Variants in ACTR1B observed in about 807,000 individuals in gnomAD.
ACTR1B encodes the protein actin related protein 1B.
Under a neutral mutation model 49.4 loss-of-function variants are expected in ACTR1B, and 34 were observed. The ratio of observed to expected loss-of-function variants is 0.69; its 90% CI spans 0.52 to 0.92. The LOEUF (loss-of-function observed/expected upper bound fraction) is 0.92, where lower values mean the gene tolerates loss of function less well. Among genes scored for constraint, ACTR1B ranks in the 40% least tolerant of loss-of-function variants. ACTR1B has a pLI of 0.00. For missense variants in ACTR1B, 471 were observed against 522.4 expected, an observed-to-expected ratio of 0.90 and a Z score of 0.96; for synonymous variants, 207 against 207.8, an observed-to-expected ratio of 1.00 and a Z score of 0.03.
intron 1 of ACTR1B, among the ~76,000 whole-genome samples, chr2:97,662,621 T>C (rs1025514665): frequency 3.3e-5 from 5 of 151,980 alleles, no homozygotes; most frequent in Non-Finnish European, 5.9e-5. Context: ...ACGGGGCAAT[T>C]AGAAACCTCC....
intron 2 of ACTR1B, among the ~76,000 whole-genome samples, 154 bp from the exon 3 acceptor site, chr2:97,660,800 G>T (rs1377177511): frequency 6.6e-6 from 1 of 152,226 alleles, no homozygotes; most frequent in African/African-American, 2.4e-5. Context: ...GGGGCCTATG[G>T]GGTTCGGGGC....
chr2:97,657,442 C>T lies in ACTR1B; in HGVS notation c.987+6G>A. ...AGTGCCCCAGGGGGAGTTTCTGTAACCTCACCTTGATTTTGATATCCTTTG... is the reference window on the plus strand; with the variant it reads ...AGTGCCCCAGGGGGAGTTTCTGTAATCTCACCTTGATTTTGATATCCTTTG... On this transcript the variant is annotated splice_donor_region_variant and intron_variant, in intron 9 of 10. Transcript: ENST00000289228. 6.2e-7 allele frequency: 1 copy of T among 1,614,220 alleles called. No individual in the cohort carries two copies. The highest frequency in any genetic ancestry group is 8.5e-7 in the Non-Finnish European group (1 of 1,180,018).
chr2:97,660,315 A>G (rs904128864), intron 3 of ACTR1B, among the ~76,000 whole-genome samples: 4 of 152,214 alleles, frequency 2.6e-5, no homozygotes, highest in Non-Finnish European at 5.9e-5. Flanking sequence ...TCTGACTCTT[A>G]TATCACTTTT....
At position 97,658,581 on chromosome 2, in the gene ACTR1B, A is replaced by G. The variant is rs763231016; in HGVS notation, c.503T>C (p.Val168Ala). The G allele has an allele frequency of 6.2e-7, 1 of 1,614,068 alleles. No individual in the cohort carries two copies. The highest frequency in any genetic ancestry group is 8.5e-7 in the Non-Finnish European group (1 of 1,180,004). Residue 168 changes from valine to alanine, a missense_variant, in exon 6 of 11, where the codon GTG becomes GCG. Val to Ala is a moderately conservative substitution (Grantham distance 64, BLOSUM62 0). Coordinates refer to ENST00000289228, the MANE Select transcript of ACTR1B (RefSeq NM_005735.4). This position sits in a 1 kb window ranked among gnomAD's most constrained non-coding sequence, Gnocchi z 5.9. ...CATGGCAAAGCCCTCATAGATGGGC[A>G]CAGCATGAGTGACCCCGTCCCCTGA... ...LDSGDGVTHA[V>A]PIYEGFAMPH...
At position 97,659,319 on chromosome 2, in the gene ACTR1B, A is replaced by G. The variant is rs1674948745; in HGVS notation, c.315+33T>C. ...AGAGGAGAGGGGCATGGCCAGGAGA[A>G]TGCAGAGCATGCAGGAGGGGCAGCC... On this transcript the variant is annotated intron_variant, in intron 4 of 10. Transcript: ENST00000289228. The surrounding 1 kb of genome is among the most constrained non-coding windows in gnomAD (Gnocchi z 4.0). 6.2e-7 allele frequency: 1 copy of G among 1,613,336 alleles called. No individual in the cohort carries two copies. Among genetic ancestry groups the G allele is most frequent in the Non-Finnish European group, 8.5e-7 (1 of 1,179,888 alleles).
Position 97,656,928 on chromosome 2 carries a change from T to C in ACTR1B, c.1061A>G (p.Lys354Arg), listed in dbSNP as rs994101875. ...CTCCTTTTTGGACACCCACATCTTC[T>C]TAAAAGTGTCCAGCGAGGCCAGGAT... ...GSILASLDTF[K>R]KMWVSKKEYE... Residue 354 changes from lysine (K) to arginine (R), a missense_variant, in exon 11 of 11, where the codon AAG (lysine) becomes AGG (arginine). By Grantham distance (26) the Lys-to-Arg change is conservative (BLOSUM62 2). Transcript: ENST00000289228. The C allele has an allele frequency of 6.3e-7, 1 of 1,595,978 alleles. No individual in the cohort carries two copies. Among genetic ancestry groups the C allele is most frequent in the Non-Finnish European group, 8.5e-7 (1 of 1,171,164 alleles).
In ACTR1B at chr2:97,663,934, G is replaced by A; in HGVS notation, c.-44C>T. 4 of 267,024 alleles carry A rather than the reference G, an allele frequency of 1.5e-5. No homozygotes were observed. The highest frequency in any genetic ancestry group is 2.9e-5 in the Non-Finnish European group (4 of 139,262). The allele number at this position is 267,024 out of a possible 1,614,324, so 16.5% of individuals were successfully genotyped here. A position where few individuals can be genotyped will look rare whatever the true frequency, so the allele number is the denominator to read the frequency against. On this transcript the variant is annotated 5_prime_UTR_variant, in exon 1 of 11. Transcript: ENST00000289228. Reference sequence around the variant, plus strand: ...CTGCCCAGCAGGCGGGCTGCAGGAGGCACCGGATGGGCGGGCGGGCGGGAG... The same window carrying A: ...CTGCCCAGCAGGCGGGCTGCAGGAGACACCGGATGGGCGGGCGGGCGGGAG...
rs1674951839 is a variant in ACTR1B at position 97,659,428 on chromosome 2, A to G, written c.239T>C (p.Val80Ala). 4.3e-6 allele frequency: 7 copies of G among 1,613,888 alleles called. No individual in the cohort carries two copies. Among genetic ancestry groups the G allele is most frequent in the East Asian group, 2.2e-5 (1 of 44,878 alleles). Reference protein sequence around the residue: ...TIRYPMEHGVVRDWNDMERIW... With the variant: ...TIRYPMEHGVARDWNDMERIW... ...GCGTTCCATGTCGTTCCAGTCTCGC[A>G]CCACGCCGTGCTCCATGGGGTAGCG... is the stretch of plus-strand genomic sequence containing the variant. The change falls in exon 4 of 11, where the codon GTG becomes GCG. Residue 80 changes from valine to alanine, a missense_variant. By Grantham distance (64) the Val-to-Ala change is moderately conservative. Coordinates refer to ENST00000289228, the MANE Select transcript of ACTR1B (RefSeq NM_005735.4). This position sits in a 1 kb window ranked among gnomAD's most constrained non-coding sequence, Gnocchi z 4.0.
Position 97,659,201 on chromosome 2 carries a change from T to C in ACTR1B, c.315+151A>G. 1 of 1,402,106 alleles carries C rather than the reference T, an allele frequency of 7.1e-7. No homozygotes were observed. The highest frequency in any genetic ancestry group is 9.7e-7 in the Non-Finnish European group (1 of 1,027,656). 86.9% of individuals were successfully genotyped at this position (1,402,106 alleles called of 1,614,324 possible). ...TTGGAAGATTCTGCCTAGCAGCCAC[T>C]GGGTACGTATGCGCACCCAGACACA... On this transcript the variant is annotated intron_variant, in intron 4 of 10. Transcript: ENST00000289228. The surrounding 1 kb of genome is among the most constrained non-coding windows in gnomAD (Gnocchi z 4.0).
At position 97,658,372 on chromosome 2, in the gene ACTR1B, G is replaced by T. The variant is rs193070355; in HGVS notation, c.657+55C>A. ...GCTGCACCTGGGACACCTGTGCCTT[G>T]GTGCCACCCTTTCCTCACCCCAGGT... On this transcript the variant is annotated intron_variant, in intron 6 of 10. Transcript: ENST00000289228. This position sits in a 1 kb window ranked among gnomAD's most constrained non-coding sequence, Gnocchi z 5.9. 2 of 1,613,492 alleles carry T rather than the reference G, an allele frequency of 1.2e-6. No individual in the cohort carries two copies. Among genetic ancestry groups the T allele is most frequent in the Non-Finnish European group, 1.7e-6 (2 of 1,179,566 alleles).
chr2:97,659,686 C>T lies in ACTR1B; in HGVS notation c.190-209G>A. 3.1e-6 allele frequency: 2 copies of T among 652,666 alleles called. No homozygotes were observed. Among genetic ancestry groups the T allele is most frequent in the Non-Finnish European group, 5.2e-6 (2 of 386,918 alleles). The allele number at this position is 652,666 out of a possible 1,614,324, so 40.4% of individuals were successfully genotyped here. A position where few individuals can be genotyped will look rare whatever the true frequency, so the allele number is the denominator to read the frequency against. On this transcript the variant is annotated intron_variant, in intron 3 of 10. Coordinates refer to ENST00000289228, the MANE Select transcript of ACTR1B (RefSeq NM_005735.4). The surrounding 1 kb of genome is among the most constrained non-coding windows in gnomAD (Gnocchi z 4.0). ...CACCAGCTTCTTAGGCTCTTAGAGCCCAGCTAGCTTCAGCTGGGGGGATCA... is the reference window on the plus strand; with the variant it reads ...CACCAGCTTCTTAGGCTCTTAGAGCTCAGCTAGCTTCAGCTGGGGGGATCA...
In ACTR1B at chr2:97,659,559, TGCCCTG is replaced by T. The variant is rs1169838308; in HGVS notation, c.190-88_190-83del. On this transcript the variant is annotated intron_variant, in intron 3 of 10. Transcript: ENST00000289228. The surrounding 1 kb of genome is among the most constrained non-coding windows in gnomAD (Gnocchi z 4.0). ...GCCCTCCTGGAAGCTGACCCTCACC[TGCCCTG>T]ACCAGAACCTCACCTGCCCTGACCA... The T allele has an allele frequency of 8.9e-5, 31 of 349,922 alleles. No individual in the cohort carries two copies. Among genetic ancestry groups the T allele is most frequent in the Non-Finnish European group, 1.7e-4 (29 of 166,842 alleles). The allele number at this position is 349,922 out of a possible 1,614,324, so 21.7% of individuals were successfully genotyped here. A position where few individuals can be genotyped will look rare whatever the true frequency, so the allele number is the denominator to read the frequency against.
intron 2 of ACTR1B, 24 bp downstream of exon 2, chr2:97,661,858 G>T: frequency 6.4e-7 from 1 of 1,573,222 alleles, no homozygotes; most frequent in Non-Finnish European, 8.6e-7. Flanking sequence ...AAAGGACTAA[G>T]GCTGCTGCCT....
At position 97,659,207 on chromosome 2, in the gene ACTR1B, C is replaced by T. The variant is rs996559011; in HGVS notation, c.315+145G>A. ...GATTCTGCCTAGCAGCCACTGGGTACGTATGCGCACCCAGACACACACGGA... is the reference window on the plus strand; with the variant it reads ...GATTCTGCCTAGCAGCCACTGGGTATGTATGCGCACCCAGACACACACGGA... On this transcript the variant is annotated intron_variant, in intron 4 of 10. Coordinates refer to ENST00000289228, the MANE Select transcript of ACTR1B (RefSeq NM_005735.4). This position sits in a 1 kb window ranked among gnomAD's most constrained non-coding sequence, Gnocchi z 4.0. 3.9e-5 allele frequency: 55 copies of T among 1,418,986 alleles called. No individual in the cohort carries two copies. Among genetic ancestry groups the T allele is most frequent in the South Asian group, 3.3e-4 (26 of 77,704 alleles). 87.9% of individuals were successfully genotyped at this position (1,418,986 alleles called of 1,614,324 possible).
At chr2:97,657,606 C>T (rs1346491382) in intron 8 of ACTR1B, 97 bp from the exon 9 acceptor site, 1 of 1,220,298 alleles carries the variant, frequency 8.2e-7, no homozygotes, top group African/African-American at 1.5e-5. Flanking sequence ...TACTGCTGGT[C>T]CTCTATCAGC....
chr2:97,656,577 G>C lies in ACTR1B; in HGVS notation c.*281C>G. ...TGAGAGTCGGAGCAGGGAACCACAG[G>C]CCTAGCTGGCCCTGCCAGGGGGATA... On this transcript the variant is annotated 3_prime_UTR_variant, in exon 11 of 11. Coordinates refer to ENST00000289228, the MANE Select transcript of ACTR1B (RefSeq NM_005735.4). 1 of 402,650 alleles carries C rather than the reference G, an allele frequency of 2.5e-6. No homozygotes were observed. The highest frequency in any genetic ancestry group is 4.6e-6 in the Non-Finnish European group (1 of 218,354). 24.9% of individuals were successfully genotyped at this position (402,650 alleles called of 1,614,324 possible).
chr2:97,656,157 C>T lies in ACTR1B; in HGVS notation c.*701G>A, dbSNP rs1674830654. On this transcript the variant is annotated 3_prime_UTR_variant, in exon 11 of 11. Transcript: ENST00000289228. ...TCTGACTCCTTATTAAGTGGCTTCC[C>T]CTCAATAAATGATGAGCATCAACCC... 1.3e-5 allele frequency: 2 copies of T among 152,400 alleles called. No individual in the cohort carries two copies. Among genetic ancestry groups the T allele is most frequent in the Admixed American group, 1.3e-4 (2 of 15,304 alleles). 9.4% of individuals were successfully genotyped at this position (152,400 alleles called of 1,614,324 possible).
rs1188463326 is a variant in ACTR1B, at chr2:97,656,164, A to G, written c.*694T>C. ...CCTTATTAAGTGGCTTCCCCTCAAT[A>G]AATGATGAGCATCAACCCTTTCCCA... On this transcript the variant is annotated 3_prime_UTR_variant, in exon 11 of 11. Coordinates refer to ENST00000289228, the MANE Select transcript of ACTR1B (RefSeq NM_005735.4). 6.6e-6 allele frequency: 1 copy of G among 152,254 alleles called. No homozygotes were observed. Among genetic ancestry groups the G allele is most frequent in the Non-Finnish European group, 1.5e-5 (1 of 68,090 alleles). 9.4% of individuals were successfully genotyped at this position (152,254 alleles called of 1,614,324 possible).
At position 97,658,099 on chromosome 2, in the gene ACTR1B, GGAA is replaced by G. The variant is rs773384868; in HGVS notation, c.766_768del (p.Phe256del). The G allele has an allele frequency of 6.2e-7, 1 of 1,613,978 alleles. No individual in the cohort carries two copies. The highest frequency in any genetic ancestry group is 1.1e-5 in the South Asian group (1 of 91,086). On this transcript the variant is annotated inframe_deletion, in exon 8 of 11. Coordinates refer to ENST00000289228, the MANE Select transcript of ACTR1B (RefSeq NM_005735.4). The surrounding 1 kb of genome is among the most constrained non-coding windows in gnomAD (Gnocchi z 5.9). Reference sequence around the variant, plus strand: ...GGCTGGAACAGCAGCTCGGGGGCCCGGAATCGTGCAGGCCCCACCTTTAGTGTA... The same window carrying G: ...GGCTGGAACAGCAGCTCGGGGGCCCGTCGTGCAGGCCCCACCTTTAGTGTA...
Sources: allele counts gnomAD v4.1 joint callset (sites outside exome capture counted in the v4.1 genomes callset), GRCh38; gene constraint gnomAD v4.1.1; non-coding constraint Gnocchi (gnomAD v3.1); transcripts MANE v1.5; gene names NCBI Gene and HGNC (gene_info 2026-07-23, HGNC 2026-07-21).